Variants in LRP1B observed in about 807,000 individuals in gnomAD.
The protein encoded by LRP1B is LDL receptor related protein 1B.
LRP1B carries 217 observed loss-of-function variants against 556.6 expected under a neutral mutation model. The ratio of observed to expected loss-of-function variants is 0.39; its 90% CI spans 0.35 to 0.44. The LOEUF (loss-of-function observed/expected upper bound fraction) is 0.44. Ranked by LOEUF, LRP1B falls within the 20% of genes least tolerant of loss-of-function variation. The pLI is 1.00. For missense variants in LRP1B, 5,053 were observed against 5,620.8 expected (o/e 0.90, Z 3.23); for synonymous variants, 2,047 against 1,865.8 (o/e 1.10, Z -2.50).
At chr2:142,009,785 T>A (rs1350382805) in intron 1 of LRP1B, among the ~76,000 whole-genome samples, 1 of 152,154 alleles carries the variant, frequency 6.6e-6, no homozygotes, top group Non-Finnish European at 1.5e-5. Flanking sequence ...TATACATGTA[T>A]ACTTCTCTAT....
chr2:141,806,363 C>T (rs912360676), intron 2 of LRP1B, among the ~76,000 whole-genome samples: 4 of 152,010 alleles, frequency 2.6e-5, no homozygotes, highest in African/African-American at 7.2e-5. Context: ...TTTCTATTCT[C>T]ATTGCCTCAT....
intron 2 of LRP1B, among the ~76,000 whole-genome samples, chr2:141,591,436 A>T (rs928273112): frequency 6.6e-6 from 1 of 151,724 alleles, no homozygotes; most frequent in Non-Finnish European, 1.5e-5. Context: ...AAATCGATTA[A>T]AATGTTAAAA....
intron 2 of LRP1B, among the ~76,000 whole-genome samples, chr2:141,663,540 G>A (rs531742110): frequency 9.2e-5 from 14 of 152,072 alleles, no homozygotes; most frequent in Admixed American, 2.0e-4. Flanking sequence ...ATAAACAACC[G>A]TCAGAGAATA....
intron 29 of LRP1B, among the ~76,000 whole-genome samples, chr2:140,842,448 G>A (rs1041598351): frequency 2.6e-5 from 4 of 152,248 alleles, no homozygotes; most frequent in Non-Finnish European, 4.4e-5. Flanking sequence ...GATACTACTC[G>A]TGGTTCCAGT....
chr2:140,554,414 G>T (rs1187612490), intron 43 of LRP1B, among the ~76,000 whole-genome samples: 3 of 152,082 alleles, frequency 2.0e-5, no homozygotes, highest in Non-Finnish European at 4.4e-5. Context: ...AAGCTGATTT[G>T]TGTCAATGAA....
chr2:141,032,553 T>A (rs1698403253), intron 11 of LRP1B, among the ~76,000 whole-genome samples: 2 of 152,176 alleles, frequency 1.3e-5, no homozygotes, highest in African/African-American at 4.8e-5. Context: ...TTCTGTTGAT[T>A]TACATTTTTG....
At chr2:141,519,133 G>GGAAAC (rs1245600865) in intron 2 of LRP1B, among the ~76,000 whole-genome samples, 1 of 151,750 alleles carries the variant, frequency 6.6e-6, no homozygotes, top group East Asian at 1.9e-4. Context: ...AAACCAAAGA[G>GGAAAC]GAAACGGTGC....
chr2:141,124,681 G>GA (rs1023921903), intron 7 of LRP1B, among the ~76,000 whole-genome samples: 2 of 131,018 alleles, frequency 1.5e-5, no homozygotes, highest in African/African-American at 6.1e-5. Context: ...AAAAAAAAAA[G>GA]AAAAAAATAC....
intron 1 of LRP1B, among the ~76,000 whole-genome samples, chr2:141,858,726 C>T (rs924987964): frequency 2.0e-5 from 3 of 152,080 alleles, no homozygotes; most frequent in African/African-American, 7.2e-5. Flanking sequence ...AGTAAACACA[C>T]CAGGCAACAT....
At chr2:140,975,256 GA>G (rs1696557313) in intron 18 of LRP1B, among the ~76,000 whole-genome samples, 1 of 151,938 alleles carries the variant, frequency 6.6e-6, no homozygotes, top group East Asian at 1.9e-4. Context: ...CTGAAGAAGG[GA>G]AAAGAAGAGA....
intron 1 of LRP1B, among the ~76,000 whole-genome samples, chr2:141,889,518 A>T (rs1699220035): frequency 1.3e-5 from 2 of 152,132 alleles, no homozygotes; most frequent in African/African-American, 2.4e-5. Flanking sequence ...ACCTACAATG[A>T]TTTGTTTGGA....
At chr2:141,584,822 A>C (rs1360410174) in intron 2 of LRP1B, among the ~76,000 whole-genome samples, 2 of 152,200 alleles carry the variant, frequency 1.3e-5, no homozygotes, top group Non-Finnish European at 2.9e-5. Flanking sequence ...AATTCCATTT[A>C]TATGAGATAC....
intron 2 of LRP1B, among the ~76,000 whole-genome samples, chr2:141,739,333 C>G (rs1429060449): frequency 6.6e-6 from 1 of 151,914 alleles, no homozygotes; most frequent in Non-Finnish European, 1.5e-5. Flanking sequence ...ACTGAAAAAC[C>G]AAACAATACT....
chr2:141,354,767 C>T (rs1361859618), intron 3 of LRP1B, among the ~76,000 whole-genome samples: 1 of 150,974 alleles, frequency 6.6e-6, no homozygotes, highest in African/African-American at 2.4e-5. Context: ...TGCAATCAAC[C>T]CTGCAATTAT....
chr2:141,967,893 G>C (rs1288955966), intron 1 of LRP1B, among the ~76,000 whole-genome samples: 1 of 151,624 alleles, frequency 6.6e-6, no homozygotes, highest in Non-Finnish European at 1.5e-5. Flanking sequence ...ATTGCACTAG[G>C]TCTCGTTTTT....
chr2:141,774,424 T>C (rs771455103), intron 2 of LRP1B, among the ~76,000 whole-genome samples: 8 of 152,022 alleles, frequency 5.3e-5, no homozygotes, highest in Non-Finnish European at 8.8e-5. Flanking sequence ...CCAGATCTTG[T>C]GTGCACTAAT....
chr2:142,097,068 C>CAAA (rs397694565), intron 1 of LRP1B, among the ~76,000 whole-genome samples: 23 of 144,540 alleles, frequency 1.6e-4, no homozygotes, highest in Admixed American at 9.0e-4. Context: ...AAAAAAAAAA[C>CAAA]CCCGGTTTAC....
At chr2:140,890,623 T>C (rs1166050374) in intron 23 of LRP1B, among the ~76,000 whole-genome samples, 1 of 152,022 alleles carries the variant, frequency 6.6e-6, no homozygotes, top group African/African-American at 2.4e-5. Context: ...AATCAAAGTA[T>C]AAATTTTCAA....
At chr2:140,256,578 C>T (rs546792272) in intron 86 of LRP1B, among the ~76,000 whole-genome samples, 19 of 146,938 alleles carry the variant, frequency 1.3e-4, no homozygotes, top group Non-Finnish European at 1.5e-4. Flanking sequence ...AAGCAATTCT[C>T]CTGCCTCAGA....
Sources: allele counts gnomAD v4.1 joint callset (sites outside exome capture counted in the v4.1 genomes callset), GRCh38; gene constraint gnomAD v4.1.1; transcripts MANE v1.5; gene names NCBI Gene and HGNC (gene_info 2026-07-23, HGNC 2026-07-21).